Variants in NID1 observed in about 807,000 individuals in gnomAD.
NID1 encodes nidogen-1.
In NID1, 76 loss-of-function variants were observed where a neutral mutation model predicts 130.6. The observed-to-expected ratio is 0.58, with a 90% confidence interval of 0.48 to 0.70. NID1 has a LOEUF of 0.70. Among genes scored for constraint, NID1 ranks in the 30% least tolerant of loss-of-function variants. NID1 has a pLI of 0.00. For synonymous variants in NID1, 665 were observed against 675.1 expected (o/e 0.98, Z 0.23); for missense variants, 1,517 against 1,664.8 (o/e 0.91, Z 1.54).
chr1:235,984,626 A>G (rs1657522853), intron 15 of NID1, among the ~76,000 whole-genome samples: 1 of 152,264 alleles, frequency 6.6e-6, no homozygotes, highest in African/African-American at 2.4e-5. Flanking sequence ...CAGCATGACA[A>G]TGCCATAGGA....
chr1:236,016,404 A>C (rs79372004), intron 10 of NID1, among the ~76,000 whole-genome samples: 413 of 152,264 alleles, frequency 2.7e-3, no homozygotes, highest in African/African-American at 9.5e-3. Flanking sequence ...GTTTGCTGAC[A>C]TGGTACAAGA....
intron 2 of NID1, among the ~76,000 whole-genome samples, chr1:236,047,649 GC>G (rs2102844694): frequency 6.6e-6 from 1 of 152,086 alleles, no homozygotes; most frequent in African/African-American, 2.4e-5. Flanking sequence ...TAGAGTCTGG[GC>G]TTTACCTTTC....
chr1:236,054,209 ATT>A (rs1659836442), intron 1 of NID1, among the ~76,000 whole-genome samples: 2 of 152,208 alleles, frequency 1.3e-5, no homozygotes, highest in South Asian at 4.1e-4. Context: ...TAATCCCAGT[ATT>A]TTGGGAGGCA....
At position 235,979,977 on chromosome 1, in the gene NID1, TC is replaced by T; in HGVS notation, c.3386-33del. 6.2e-7 allele frequency: 1 copy of T among 1,610,608 alleles called. No homozygotes were observed. Among genetic ancestry groups the T allele is most frequent in the Non-Finnish European group, 8.5e-7 (1 of 1,178,134 alleles). On this transcript the variant is annotated intron_variant, in intron 17 of 19. Coordinates refer to ENST00000264187, the MANE Select transcript of NID1 (RefSeq NM_002508.3). The surrounding 1 kb of genome is among the most constrained non-coding windows in gnomAD (Gnocchi z 4.6). The stretch of plus-strand genomic sequence containing the variant: ...GGAGTGGAAACAATTCATTCATTGT[TC>T]ACACAAGAAATGGCCCCTTTGTGCA...
In NID1 at chr1:235,993,781, C is replaced by G; in HGVS notation, c.2619G>C (p.Leu873=). The G allele has an allele frequency of 1.2e-6, 2 of 1,614,198 alleles. No individual in the cohort carries two copies. The highest frequency in any genetic ancestry group is 1.7e-6 in the Non-Finnish European group (2 of 1,180,040). ...CGTGCGCATCGCACTCAGGAACGAA[C>G]AGCCCCGGAGGAATGGGTCGCTGTG... The part of the protein sequence containing the change: ...TDPQRPIPPG[L]FVPECDAHGH... The change falls in exon 13 of 20, where the codon CTG becomes CTC. Residue 873 remains leucine, a synonymous_variant. Transcript: ENST00000264187.
intron 4 of NID1, among the ~76,000 whole-genome samples, chr1:236,040,332 T>G (rs2102838728): frequency 6.6e-6 from 1 of 152,294 alleles, no homozygotes; most frequent in South Asian, 2.1e-4. Flanking sequence ...AAATGGCAGC[T>G]TCTCCATTTC....
rs771548924 is a variant in NID1, at chr1:236,017,202, A to G, written c.2200T>C (p.Phe734Leu). ...TAGCCCTCCACACACTCGCAGCGGAAGGTTCCTGGGTGATTATTGCAGATT... is the reference window on the plus strand; with the variant it reads ...TAGCCCTCCACACACTCGCAGCGGAGGGTTCCTGGGTGATTATTGCAGATT... Reference protein sequence around the residue: ...HTICNNHPGTFRCECVEGYQF... With the variant: ...HTICNNHPGTLRCECVEGYQF... The change falls in exon 10 of 20, where the codon TTC (phenylalanine) becomes CTC (leucine). Residue 734 changes from phenylalanine (F) to leucine (L), a missense_variant. Physicochemically the swap from Phe to Leu is conservative, Grantham distance 22. This residue lies in a region of NID1 where 1,329 missense variants were observed against 1,429.2 expected (regional missense o/e 0.93). Transcript: ENST00000264187. 6.2e-7 allele frequency: 1 copy of G among 1,614,164 alleles called. No homozygotes were observed. Among genetic ancestry groups the G allele is most frequent in the Non-Finnish European group, 8.5e-7 (1 of 1,180,004 alleles).
At chr1:236,045,421 A>C (rs374821032) in intron 3 of NID1, 36 bp downstream of exon 3, 6 of 1,415,660 alleles carry the variant, frequency 4.2e-6, no homozygotes, top group Non-Finnish European at 6.0e-6. Flanking sequence ...AAAAAATATT[A>C]AGAGGAGAAT....
At chr1:236,013,029 T>C (rs1286955741) in intron 11 of NID1, among the ~76,000 whole-genome samples, 1 of 152,210 alleles carries the variant, frequency 6.6e-6, no homozygotes, top group Non-Finnish European at 1.5e-5. Flanking sequence ...AACAAGCCAG[T>C]TGAATGGCTA....
At chr1:235,989,612 G>A (rs1657671092) in intron 14 of NID1, among the ~76,000 whole-genome samples, 1 of 152,212 alleles carries the variant, frequency 6.6e-6, no homozygotes, top group Non-Finnish European at 1.5e-5. Flanking sequence ...ATACATGTCA[G>A]ATACACAACA....
intron 6 of NID1, 72 bp from the exon 7 acceptor site, chr1:236,029,822 T>C (rs1659046397): frequency 1.4e-6 from 2 of 1,472,398 alleles, no homozygotes; most frequent in Non-Finnish European, 1.9e-6. Flanking sequence ...AGGCTCACAG[T>C]GTGGAGTGGG....
intron 7 of NID1, among the ~76,000 whole-genome samples, chr1:236,029,182 A>C (rs1209928319): frequency 6.6e-6 from 1 of 151,854 alleles, no homozygotes; most frequent in African/African-American, 2.4e-5. Flanking sequence ...TGTCTCAAAA[A>C]AAAAAAAAAG....
Position 235,978,980 on chromosome 1 carries a change from G to C in NID1, c.3622+15C>G. On this transcript the variant is annotated intron_variant, in intron 19 of 19. Coordinates refer to ENST00000264187, the MANE Select transcript of NID1 (RefSeq NM_002508.3). ...TGCCCCCAGTATGCCAACAGTAACAGCACAGGAGAGTTACCTTGCGGACAC... is the reference window on the plus strand; with the variant it reads ...TGCCCCCAGTATGCCAACAGTAACACCACAGGAGAGTTACCTTGCGGACAC... 1 of 1,577,124 alleles carries C rather than the reference G, an allele frequency of 6.3e-7. No individual in the cohort carries two copies. Among genetic ancestry groups the C allele is most frequent in the East Asian group, 2.2e-5 (1 of 44,660 alleles).
chr1:236,013,077 T>G (rs527943918), intron 11 of NID1, among the ~76,000 whole-genome samples: 21 of 152,348 alleles, frequency 1.4e-4, no homozygotes, highest in African/African-American at 4.8e-4. Flanking sequence ...GGATAGACTT[T>G]AATCTCCATG....
intron 1 of NID1, among the ~76,000 whole-genome samples, chr1:236,057,336 C>A (rs543704653): frequency 1.2e-3 from 178 of 152,200 alleles, no homozygotes; most frequent in African/African-American, 4.1e-3. Context: ...GAGAAATGTG[C>A]CAGAAAAAAA....
chr1:236,011,634 C>G (rs1393700927), intron 12 of NID1, among the ~76,000 whole-genome samples: 1 of 152,206 alleles, frequency 6.6e-6, no homozygotes, highest in Non-Finnish European at 1.5e-5. Flanking sequence ...ACATTGCAGT[C>G]CATGCTCTGA....
chr1:235,986,039 G>A (rs560841061), intron 14 of NID1, among the ~76,000 whole-genome samples: 4 of 152,126 alleles, frequency 2.6e-5, no homozygotes, highest in Non-Finnish European at 5.9e-5. Context: ...GGGATTACCA[G>A]CACCAGCCAC....
Position 236,028,687 on chromosome 1 carries a change from C to CATATAT in NID1, c.1738+857_1738+862dup, listed in dbSNP as rs59523526. Among the ~76,000 whole-genome samples, 802 of 146,986 alleles carry CATATAT rather than the reference C, an allele frequency of 5.5e-3. 7 individuals carry two copies. The highest frequency in any genetic ancestry group is 0.028 in the Middle Eastern group (8 of 282). On this transcript the variant is annotated intron_variant, in intron 7 of 19. Transcript: ENST00000264187. ...AACTTATTCTCAAATGGTCAGTATA[C>CATATAT]ATATATATATATATATATATGGAGA...
chr1:236,046,492 G>T (rs997479155), intron 2 of NID1, among the ~76,000 whole-genome samples: 1 of 152,048 alleles, frequency 6.6e-6, no homozygotes, highest in Non-Finnish European at 1.5e-5. Context: ...GTTGGTCAAG[G>T]CCTCACGGGA....
Sources: allele counts gnomAD v4.1 joint callset (sites outside exome capture counted in the v4.1 genomes callset), GRCh38; gene constraint gnomAD v4.1.1; regional missense constraint gnomAD v4.1.1; non-coding constraint Gnocchi (gnomAD v3.1); transcripts MANE v1.5; gene names NCBI Gene and HGNC (gene_info 2026-07-23, HGNC 2026-07-21).